EEF1G: variants seen among roughly 807,000 people sequenced by gnomAD.
EEF1G encodes the protein eukaryotic translation elongation factor 1 gamma.
EEF1G carries 14 observed loss-of-function variants against 58.3 expected under a neutral mutation model. The ratio of observed to expected loss-of-function variants is 0.24; its 90% CI spans 0.16 to 0.38. The LOEUF (loss-of-function observed/expected upper bound fraction) is 0.38, where lower values mean the gene tolerates loss of function less well. EEF1G is among the 10% of genes least tolerant of loss of function. The probability of loss-of-function intolerance (pLI) is 1.00; values close to 1 mark genes in which losing one functional copy is unlikely to be tolerated. For missense variants in EEF1G, 322 were observed against 550.1 expected (o/e 0.59, Z 4.15); for synonymous variants, 180 against 206.8 (o/e 0.87, Z 1.11).
At chr11:62,572,907 TC>T (rs908379392) in intron 1 of EEF1G, 165 bp from the exon 2 acceptor site, 19 of 575,906 alleles carry the variant, frequency 3.3e-5, no homozygotes, top group African/African-American at 2.8e-4. Context: ...ATCAGAATCC[TC>T]CGAAATACCA....
At chr11:62,571,273 A>C (rs1386645835) in intron 4 of EEF1G, among the ~76,000 whole-genome samples, 165 bp from the exon 5 acceptor site, 1 of 152,144 alleles carries the variant, frequency 6.6e-6, no homozygotes, top group Non-Finnish European at 1.5e-5. Context: ...TATTACAAAC[A>C]ATGAACTTCA....
intron 5 of EEF1G, among the ~76,000 whole-genome samples, chr11:62,568,015 G>A (rs1565261795): frequency 6.6e-6 from 1 of 151,022 alleles, no homozygotes; most frequent in African/African-American, 2.4e-5. Flanking sequence ...GGATCACGAG[G>A]TCAGGAGATC....
Position 62,567,424 on chromosome 11 carries a change from C to G in EEF1G, c.627G>C (p.Leu209=). ...QFRAVLGEVK[L]CEKMAQFDAK... ...CATCAAACTGGGCCATCTTCTCACA[C>G]AGTTTCACTTCGCCCAAGACAGCCC... Residue 209 remains leucine, a synonymous_variant, in exon 6 of 10, where the codon CTG becomes CTC. Transcript: ENST00000329251. 6.2e-7 allele frequency: 1 copy of G among 1,612,504 alleles called. No homozygotes were observed. Among genetic ancestry groups the G allele is most frequent in the Non-Finnish European group, 8.5e-7 (1 of 1,179,176 alleles).
At chr11:62,573,181 C>T (rs918832894) in intron 1 of EEF1G, 1 of 158,416 alleles carries the variant, frequency 6.3e-6, no homozygotes, top group African/African-American at 2.4e-5. Flanking sequence ...GTCTCTAAGG[C>T]ACGCACGACG....
At chr11:62,566,730 G>C (rs990764855) in intron 7 of EEF1G, 76 bp downstream of exon 7, 2 of 1,362,296 alleles carry the variant, frequency 1.5e-6, no homozygotes, top group Admixed American at 4.1e-5. Flanking sequence ...GGCTCTAGCT[G>C]TGTGTGAGGG....
chr11:62,561,685 A>AC (rs1565259895), intron 7 of EEF1G, among the ~76,000 whole-genome samples: 14 of 146,130 alleles, frequency 9.6e-5, no homozygotes, highest in South Asian at 2.2e-4. Context: ...AAAAAAACAA[A>AC]AAAAAAAAAA....
intron 1 of EEF1G, chr11:62,573,420 C>G (rs917596209): frequency 4.1e-6 from 1 of 244,106 alleles, no homozygotes; most frequent in Non-Finnish European, 8.1e-6. Flanking sequence ...GCTCCCAAAC[C>G]TCCCTGAGAG....
In EEF1G at chr11:62,570,852, A is replaced by G. The variant is rs1941618920; in HGVS notation, c.522+113T>C. ...ATTACAGGCATGAGCCACTGCACCC[A>G]CCTCTAGCTGTTTTCCAAGTCCTCA... is the stretch of plus-strand genomic sequence containing the variant. On this transcript the variant is annotated intron_variant, in intron 5 of 9. Coordinates refer to ENST00000329251, the MANE Select transcript of EEF1G (RefSeq NM_001404.5). 3.5e-6 allele frequency: 5 copies of G among 1,435,838 alleles called. No individual in the cohort carries two copies. The African/African-American group carries it at 7.0e-5, about 20-fold the overall frequency. The allele number at this position is 1,435,838 out of a possible 1,614,324, so 88.9% of individuals were successfully genotyped here. A position where few individuals can be genotyped will look rare whatever the true frequency, so the allele number is the denominator to read the frequency against.
At chr11:62,573,516 A>G (rs373394977) in intron 1 of EEF1G, 1 of 513,156 alleles carries the variant, frequency 1.9e-6, no homozygotes, top group Non-Finnish European at 3.5e-6. Context: ...AAACGGACAC[A>G]GAAGTTCGTC....
intron 7 of EEF1G, among the ~76,000 whole-genome samples, chr11:62,563,011 G>A (rs756854200): frequency 6.6e-6 from 1 of 151,864 alleles, no homozygotes; most frequent in Non-Finnish European, 1.5e-5. Context: ...TCAGAAGGCT[G>A]AGGCAAGAGA....
chr11:62,572,835 G>A (rs529236098), intron 1 of EEF1G, 93 bp from the exon 2 acceptor site: 178 of 1,215,796 alleles, frequency 1.5e-4, no homozygotes, highest in Admixed American at 7.9e-4. Context: ...TAATCCCAAT[G>A]TATTCAACTC....
intron 2 of EEF1G, among the ~76,000 whole-genome samples, chr11:62,572,152 A>G (rs1353887873): frequency 6.6e-6 from 1 of 152,062 alleles, no homozygotes; most frequent in Non-Finnish European, 1.5e-5. Context: ...CTCTGGATCA[A>G]ACAAGCAGAA....
At chr11:62,565,947 A>G (rs1247540923) in intron 7 of EEF1G, among the ~76,000 whole-genome samples, 1 of 152,208 alleles carries the variant, frequency 6.6e-6, no homozygotes, top group African/African-American at 2.4e-5. Context: ...GGTGAAATGT[A>G]AACCCTAGCA....
In EEF1G at chr11:62,570,923, C is replaced by T. The variant is rs763657618; in HGVS notation, c.522+42G>A. On this transcript the variant is annotated intron_variant, in intron 5 of 9. Coordinates refer to ENST00000329251, the MANE Select transcript of EEF1G (RefSeq NM_001404.5). ...GATACCTCGTCACTTTGTTTCTAAT[C>T]CCCATCTACCCACTGCCAAATGGAT... is the stretch of plus-strand genomic sequence containing the variant. The T allele has an allele frequency of 1.9e-6, 3 of 1,612,116 alleles. No homozygotes were observed. The South Asian group carries it at 3.3e-5, about 18-fold the overall frequency.
intron 7 of EEF1G, among the ~76,000 whole-genome samples, chr11:62,561,683 A>AAAAAC (rs1941497401): frequency 5.8e-4 from 4 of 6,934 alleles, no homozygotes; most frequent in South Asian, 3.2e-3. Context: ...AAAAAAAAAC[A>AAAAAC]AAAAAAAAAA....
chr11:62,561,562 C>T (rs1341048903), intron 7 of EEF1G, among the ~76,000 whole-genome samples: 3 of 144,786 alleles, frequency 2.1e-5, no homozygotes, highest in Middle Eastern at 3.4e-3. Flanking sequence ...CCCAGCTACT[C>T]GGGAGGCAGG....
intron 5 of EEF1G, among the ~76,000 whole-genome samples, chr11:62,570,208 C>T (rs951718010): frequency 6.6e-6 from 1 of 151,558 alleles, no homozygotes; most frequent in Non-Finnish European, 1.5e-5. Context: ...ATTACAGGCT[C>T]CTACCACCAC....
chr11:62,569,686 C>T (rs1321957828), intron 5 of EEF1G, among the ~76,000 whole-genome samples: 3 of 152,220 alleles, frequency 2.0e-5, no homozygotes. Flanking sequence ...AAACAGAACA[C>T]AGCAGTCAGA....
intron 7 of EEF1G, among the ~76,000 whole-genome samples, chr11:62,563,277 C>A (rs1417752251): frequency 6.6e-6 from 1 of 151,974 alleles, no homozygotes. Flanking sequence ...CAGGCGCCTG[C>A]TACCGCCCCC....
Sources: allele counts gnomAD v4.1 joint callset (sites outside exome capture counted in the v4.1 genomes callset), GRCh38; gene constraint gnomAD v4.1.1; transcripts MANE v1.5; gene names NCBI Gene and HGNC (gene_info 2026-07-23, HGNC 2026-07-21).